Variants in TMEM39B observed in about 807,000 individuals in gnomAD.
The protein encoded by TMEM39B is transmembrane protein 39B.
TMEM39B carries 23 observed loss-of-function variants against 52.2 expected under a neutral mutation model. That is an observed-to-expected ratio of 0.44 (90% CI 0.32 to 0.62). TMEM39B has a LOEUF of 0.62. TMEM39B is among the 20% of genes least tolerant of loss of function. The probability of loss-of-function intolerance (pLI) is 0.06; values close to 1 mark genes in which losing one functional copy is unlikely to be tolerated. For missense variants in TMEM39B, 547 were observed against 642.0 expected (o/e 0.85, Z 1.60); for synonymous variants, 285 against 264.0 (o/e 1.08, Z -0.77).
chr1:32,072,781 T>A, upstream of TMEM39B: 1 of 530,270 alleles, frequency 1.9e-6, no homozygotes, highest in Non-Finnish European at 3.3e-6. Context: ...CCCTCCCTCT[T>A]GAGTCTCTTC....
intron 8 of TMEM39B, among the ~76,000 whole-genome samples, chr1:32,101,232 C>T (rs948277726): frequency 3.9e-5 from 6 of 152,026 alleles, no homozygotes; most frequent in Non-Finnish European, 8.8e-5. Flanking sequence ...GAACCTTGTA[C>T]GTGAAAGATA....
intron 5 of TMEM39B, 142 bp from the exon 6 acceptor site, chr1:32,091,533 T>C (rs1252005801): frequency 1.2e-5 from 11 of 885,562 alleles, no homozygotes; most frequent in Non-Finnish European, 1.9e-5. Context: ...GTAGGGTGGA[T>C]GGATGGAAGG....
intron 5 of TMEM39B, among the ~76,000 whole-genome samples, chr1:32,089,943 C>A (rs1239234071): frequency 1.3e-5 from 2 of 151,556 alleles, no homozygotes; most frequent in African/African-American, 2.4e-5. Flanking sequence ...GTGGGAGAAT[C>A]GCTTGAACCC....
chr1:32,100,651 G>A (rs1640987621), intron 8 of TMEM39B, 89 bp downstream of exon 8: 1 of 1,555,756 alleles, frequency 6.4e-7, no homozygotes, highest in African/African-American at 1.4e-5. Context: ...GCAAGAGAAA[G>A]CTATTTTCAG....
chr1:32,096,934 G>T (rs565004027), intron 7 of TMEM39B, among the ~76,000 whole-genome samples: 1 of 151,772 alleles, frequency 6.6e-6, no homozygotes, highest in Non-Finnish European at 1.5e-5. Context: ...CTCCCAAGTC[G>T]CTGGGATTAC....
intron 5 of TMEM39B, among the ~76,000 whole-genome samples, chr1:32,081,761 T>G (rs1640108949): frequency 6.6e-6 from 1 of 151,678 alleles, no homozygotes; most frequent in Non-Finnish European, 1.5e-5. Flanking sequence ...AAAAAGAAAA[T>G]TATTGATTTA....
Position 32,094,821 on chromosome 1 carries a change from T to A in TMEM39B, c.965T>A (p.Leu322His). ...HYYDKRWSCELFLLVSISTSV... is the reference protein window; with the variant it reads ...HYYDKRWSCEHFLLVSISTSV... ...TATGACAAGCGCTGGTCCTGTGAAC[T>A]CTTCCTGCTGGTGTCCATCAGCACC... The change falls in exon 7 of 9, where the codon CTC (leucine) becomes CAC (histidine). Residue 322 changes from leucine (L) to histidine (H), a missense_variant. Coordinates refer to ENST00000336294, the MANE Select transcript of TMEM39B (RefSeq NM_018056.4). 6.2e-7 allele frequency: 1 copy of A among 1,614,236 alleles called. No homozygotes were observed. Among genetic ancestry groups the A allele is most frequent in the Non-Finnish European group, 8.5e-7 (1 of 1,180,044 alleles).
intron 7 of TMEM39B, 30 bp downstream of exon 7, chr1:32,095,001 C>T (rs1378485499): frequency 6.2e-7 from 1 of 1,605,814 alleles, no homozygotes; most frequent in Non-Finnish European, 8.5e-7. Context: ...TCAACCCAAT[C>T]CCAGCCCTTC....
At position 32,080,358 on chromosome 1, in the gene TMEM39B, G is replaced by A. The variant is rs199532160; in HGVS notation, c.590+3040G>A. On this transcript the variant is annotated intron_variant, in intron 5 of 8. Coordinates refer to ENST00000336294, the MANE Select transcript of TMEM39B (RefSeq NM_018056.4). ...TAACAAATTGTCCTTCGAAAGGGTT[G>A]CACTGGTTAGAACTTAAGAGTTGCC... Among the ~76,000 whole-genome samples the A allele has an allele frequency of 5.3e-5, 8 of 152,180 alleles. No homozygotes were observed. In the East Asian group the frequency reaches 1.4e-3, roughly 26 times the overall value.
intron 5 of TMEM39B, among the ~76,000 whole-genome samples, chr1:32,080,882 T>C (rs976832555): frequency 6.6e-6 from 1 of 151,766 alleles, no homozygotes; most frequent in Non-Finnish European, 1.5e-5. Flanking sequence ...ATGAAAACCA[T>C]TGCTGGGCAC....
In TMEM39B at chr1:32,076,770, A is replaced by G. The variant is rs773274965; in HGVS notation, c.359A>G (p.His120Arg). The stretch of plus-strand genomic sequence containing the variant: ...GCCTCTGCCCCCTGACAGAACTTCC[A>G]TCTGATCGACTTCAACTTGCTGATG... ...HPPSHTSLNF[H>R]LIDFNLLMVT... The change falls in exon 4 of 9, where the codon CAT becomes CGT. Residue 120 changes from histidine (H) to arginine (R), a missense_variant. His to Arg is a conservative substitution (Grantham distance 29). Transcript: ENST00000336294. 2 of 1,613,934 alleles carry G rather than the reference A, an allele frequency of 1.2e-6. No individual in the cohort carries two copies. The highest frequency in any genetic ancestry group is 2.2e-5 in the South Asian group (2 of 91,076).
rs563129376 is a variant in TMEM39B at position 32,099,190 on chromosome 1, G to A, written c.1116-1252G>A. On this transcript the variant is annotated intron_variant, in intron 7 of 8. Transcript: ENST00000336294. Reference sequence around the variant, plus strand: ...AGGTGGAGGTTGCAGTGAGCCGAGCGCCACTGCACTCCAGCCTGGGCGGCA... The same window carrying A: ...AGGTGGAGGTTGCAGTGAGCCGAGCACCACTGCACTCCAGCCTGGGCGGCA... Among the ~76,000 whole-genome samples, 220 of 151,068 alleles carry A rather than the reference G, an allele frequency of 1.5e-3. 2 individuals are homozygous for A. The highest frequency in any genetic ancestry group is 5.2e-3 in the African/African-American group (216 of 41,168).
chr1:32,081,668 A>C (rs563917333), intron 5 of TMEM39B, among the ~76,000 whole-genome samples: 81 of 151,748 alleles, frequency 5.3e-4, no homozygotes, highest in Non-Finnish European at 1.1e-3. Flanking sequence ...GAATTGCTTG[A>C]AACTGGGAGG....
At chr1:32,100,924 G>T (rs895374265) in intron 8 of TMEM39B, among the ~76,000 whole-genome samples, 1 of 152,056 alleles carries the variant, frequency 6.6e-6, no homozygotes, top group African/African-American at 2.4e-5. Context: ...CCAGCTACTC[G>T]GGAGGCTGAG....
chr1:32,085,396 A>T (rs1183259616), intron 5 of TMEM39B, among the ~76,000 whole-genome samples: 1 of 151,622 alleles, frequency 6.6e-6, no homozygotes, highest in African/African-American at 2.4e-5. Context: ...CATATTTTTC[A>T]TCTCTAAGGC....
At chr1:32,076,021 T>C (rs1221675033) in intron 3 of TMEM39B, 199 bp downstream of exon 3, 1 of 440,454 alleles carries the variant, frequency 2.3e-6, no homozygotes, top group Non-Finnish European at 4.0e-6. Context: ...TAGTAGCACA[T>C]TGGGCACTGT....
At chr1:32,081,651 G>A (rs1640104844) in intron 5 of TMEM39B, among the ~76,000 whole-genome samples, 1 of 151,306 alleles carries the variant, frequency 6.6e-6, no homozygotes. Flanking sequence ...GGGAGGCTGA[G>A]GCAGGAGAAT....
intron 1 of TMEM39B, chr1:32,073,384 C>A (rs1360932028): frequency 1.5e-5 from 6 of 404,358 alleles, no homozygotes. Context: ...GGGCAGGGGG[C>A]GCTAGTGCAG....
intron 7 of TMEM39B, among the ~76,000 whole-genome samples, chr1:32,099,523 A>C (rs1222039890): frequency 6.6e-6 from 1 of 152,062 alleles, no homozygotes; most frequent in African/African-American, 2.4e-5. Context: ...TTGTGGAGGA[A>C]CCTGGGTTTT....
Sources: gnomAD v4.1 joint callset for allele counts (sites outside exome capture counted in the v4.1 genomes callset) on GRCh38, gnomAD v4.1.1 for gene constraint, MANE v1.5 for transcripts, NCBI Gene and HGNC (gene_info 2026-07-23, HGNC 2026-07-21) for gene names.